Variants in PXDN observed in about 807,000 individuals in gnomAD.
The protein encoded by PXDN is peroxidasin.
In PXDN, 77 loss-of-function variants were observed where a neutral mutation model predicts 140.3. The ratio of observed to expected loss-of-function variants is 0.55; its 90% CI spans 0.46 to 0.66. The LOEUF (loss-of-function observed/expected upper bound fraction) is 0.66, where lower values mean the gene tolerates loss of function less well. Among genes scored for constraint, PXDN ranks in the 30% least tolerant of loss-of-function variants. PXDN has a pLI of 0.00. For missense variants in PXDN, 1,838 were observed against 2,039.5 expected, an observed-to-expected ratio of 0.90 and a Z score of 1.90; for synonymous variants, 911 against 857.4, an observed-to-expected ratio of 1.06 and a Z score of -1.09.
rs774231589 is a variant in PXDN, at chr2:1,661,023, C to A, written c.1695G>T (p.Val565=). The A allele has an allele frequency of 6.2e-7, 1 of 1,613,954 alleles. No homozygotes were observed. Among genetic ancestry groups the A allele is most frequent in the East Asian group, 2.2e-5 (1 of 44,870 alleles). ...TGATGTGAAATTTTCCACTTTCTGT[C>A]ACCTGAACCCCATCCTGGAGCAAAA... The part of the protein sequence containing the change: ...AITWNKDGVQ[V]TESGKFHISP... Residue 565 remains valine (V), a synonymous_variant, in exon 14 of 23, where the codon GTG becomes GTT. Transcript: ENST00000252804.
At chr2:1,740,434 A>G (rs955874114) in intron 1 of PXDN, among the ~76,000 whole-genome samples, 1 of 151,458 alleles carries the variant, frequency 6.6e-6, no homozygotes, top group Non-Finnish European at 1.5e-5. Flanking sequence ...AGGCCCAAAC[A>G]CCCACTCCCA....
At position 1,744,410 on chromosome 2, in the gene PXDN, G is replaced by C. The variant is rs1036757778; in HGVS notation, c.46C>G (p.Leu16Val). Residue 16 changes from leucine to valine, a missense_variant, in exon 1 of 23, where the codon CTC becomes GTC. Leu to Val is a conservative substitution (Grantham distance 32). This residue lies in a region of PXDN where 231 missense variants were observed against 201.5 expected (regional missense o/e 1.15). Coordinates refer to ENST00000252804, the MANE Select transcript of PXDN (RefSeq NM_012293.3). Reference sequence around the variant, plus strand: ...GTCCCCCAGGCGCAGAACAGCACGAGCGCCAACAGGCAGCGGCGCCCGGGG... The same window carrying C: ...GTCCCCCAGGCGCAGAACAGCACGACCGCCAACAGGCAGCGGCGCCCGGGG... ...RGPGRRCLLA[L>V]VLFCAWGTLA... is the part of the protein sequence containing the mutation. The C allele has an allele frequency of 6.6e-7, 1 of 1,510,782 alleles. No individual in the cohort carries two copies. 93.6% of individuals were successfully genotyped at this position (1,510,782 alleles called of 1,614,324 possible). A position where few individuals can be genotyped will look rare whatever the true frequency, so the allele number is the denominator to read the frequency against.
chr2:1,666,533 C>G (rs549848237), intron 9 of PXDN, 47 bp from the exon 10 acceptor site: 1 of 1,539,250 alleles, frequency 6.5e-7, no homozygotes, highest in South Asian at 1.3e-5. Context: ...CCCGGTTTGA[C>G]ATGGTTTTTG....
intron 1 of PXDN, among the ~76,000 whole-genome samples, chr2:1,743,912 G>A (rs1685620796): frequency 6.7e-6 from 1 of 149,968 alleles, no homozygotes; most frequent in Non-Finnish European, 1.5e-5. Flanking sequence ...CATGAGAGGG[G>A]GCGGCGGGAG....
At chr2:1,679,088 ATG>A (rs111613941) in intron 7 of PXDN, among the ~76,000 whole-genome samples, 7,546 of 147,868 alleles carry the variant, frequency 0.051, 234 homozygotes, top group South Asian at 0.089. Flanking sequence ...ATGTGCATGC[ATG>A]TGTGTGTGTG....
chr2:1,646,832 T>C (rs976728232), intron 17 of PXDN, among the ~76,000 whole-genome samples: 4 of 152,246 alleles, frequency 2.6e-5, no homozygotes, highest in African/African-American at 9.6e-5. Context: ...CCTGTGAATC[T>C]GATTCATAAT....
chr2:1,740,531 ACTGGAAC>A (rs1461874019), intron 1 of PXDN, among the ~76,000 whole-genome samples: 1 of 150,726 alleles, frequency 6.6e-6, no homozygotes, highest in Non-Finnish European at 1.5e-5. Flanking sequence ...GAGCAGCAAC[ACTGGAAC>A]CTTCTGCTCA....
At chr2:1,636,243 ACTGT>A (rs1203821570) in intron 21 of PXDN, 5 of 153,586 alleles carry the variant, frequency 3.3e-5, no homozygotes, top group African/African-American at 4.8e-5. Context: ...TTGAACCTAA[ACTGT>A]CTGTGATGTC....
At chr2:1,729,050 G>A (rs1172480898) in intron 1 of PXDN, among the ~76,000 whole-genome samples, 1 of 152,096 alleles carries the variant, frequency 6.6e-6, no homozygotes, top group Non-Finnish European at 1.5e-5. Context: ...GTGACTATGG[G>A]TCTGGTAAGA....
At chr2:1,644,496 GAC>G in intron 18 of PXDN, 120 bp downstream of exon 18, 1 of 1,154,234 alleles carries the variant, frequency 8.7e-7, no homozygotes, top group Non-Finnish European at 1.1e-6. Flanking sequence ...CTCAACCGGG[GAC>G]ACACAGAAGA....
intron 1 of PXDN, among the ~76,000 whole-genome samples, chr2:1,737,129 C>A (rs573116114): frequency 8.4e-4 from 128 of 152,316 alleles, no homozygotes; most frequent in African/African-American, 3.0e-3. Flanking sequence ...CCCTGCTTTC[C>A]ACGGGCAGAT....
At chr2:1,678,083 C>T (rs531838775) in intron 7 of PXDN, among the ~76,000 whole-genome samples, 1 of 152,270 alleles carries the variant, frequency 6.6e-6, no homozygotes, top group East Asian at 1.9e-4. Flanking sequence ...GGTCAGGAGG[C>T]TGGGGCGGCT....
chr2:1,683,101 G>T (rs1683953445), intron 6 of PXDN, among the ~76,000 whole-genome samples: 1 of 152,038 alleles, frequency 6.6e-6, no homozygotes, highest in South Asian at 2.1e-4. Flanking sequence ...GTCTTTAATG[G>T]CTGGGCATGG....
At chr2:1,650,940 C>T (rs896357690) in intron 16 of PXDN, among the ~76,000 whole-genome samples, 1 of 152,042 alleles carries the variant, frequency 6.6e-6, no homozygotes, top group Non-Finnish European at 1.5e-5. Flanking sequence ...GTGTCCATAA[C>T]ACCCACATAA....
At chr2:1,744,586 A>G (rs1685649287), upstream of PXDN, 1 of 780,592 alleles carries the variant, frequency 1.3e-6, no homozygotes, top group Non-Finnish European at 1.7e-6. Flanking sequence ...CACATGCGCG[A>G]GGCTCCTCCC....
chr2:1,649,836 C>G lies in PXDN; in HGVS notation c.2105-161G>C, dbSNP rs1395339717. Among the ~76,000 whole-genome samples the G allele has an allele frequency of 2.0e-5, 3 of 152,152 alleles. No homozygotes were observed. The highest frequency in any genetic ancestry group is 4.4e-5 in the Non-Finnish European group (3 of 68,020). On this transcript the variant is annotated intron_variant, in intron 16 of 22. Coordinates refer to ENST00000252804, the MANE Select transcript of PXDN (RefSeq NM_012293.3). The surrounding 1 kb of genome is among the most constrained non-coding windows in gnomAD (Gnocchi z 7.1). ...AAGCGCTTCCTGCTGGAAACCTGCT[C>G]ACCTCCTGTTTGGTAAAACTGCTCC...
In PXDN at chr2:1,653,765, T is replaced by G; in HGVS notation, c.1967A>C (p.Asp656Ala). The G allele has an allele frequency of 6.3e-7, 1 of 1,582,780 alleles. No homozygotes were observed. Among genetic ancestry groups the G allele is most frequent in the South Asian group, 1.2e-5 (1 of 86,536 alleles). ...LFDSRPRSPN[D>A]LLALFRYPRD... ...CGGATACCGGAACAAGGCCAGCAAA[T>G]CATTTGGAGAACGAGGACGGCTAAC... Residue 656 changes from aspartate (D) to alanine (A), a missense_variant, in exon 16 of 23, where the codon GAT becomes GCT. Transcript: ENST00000252804.
rs1038232134 is a variant in PXDN at position 1,732,291 on chromosome 2, C to T, written c.200+11965G>A. 5.3e-5 allele frequency among the ~76,000 whole-genome samples: 8 copies of T among 152,102 alleles called. No individual in the cohort carries two copies. The East Asian group carries it at 5.8e-4, about 11-fold the overall frequency. ...CAGAGATGGGACGCCTGAGCCCTCC[C>T]GGGATAGGGAGAGAAAAGGCCCAGG... On this transcript the variant is annotated intron_variant, in intron 1 of 22. Transcript: ENST00000252804.
chr2:1,708,378 T>C (rs925454507), intron 1 of PXDN, among the ~76,000 whole-genome samples: 3 of 152,186 alleles, frequency 2.0e-5, no homozygotes, highest in Non-Finnish European at 2.9e-5. Context: ...AGTTTGCCCC[T>C]GAGGCCCCCT....
Sources: allele counts gnomAD v4.1 joint callset (sites outside exome capture counted in the v4.1 genomes callset), GRCh38; gene constraint gnomAD v4.1.1; regional missense constraint gnomAD v4.1.1; non-coding constraint Gnocchi (gnomAD v3.1); transcripts MANE v1.5; gene names NCBI Gene and HGNC (gene_info 2026-07-23, HGNC 2026-07-21).